Variants in SAMD8 observed in about 807,000 individuals in gnomAD.
SAMD8 encodes sterile alpha motif domain containing 8.
Under a neutral mutation model 42.0 loss-of-function variants are expected in SAMD8, and 20 were observed. The observed-to-expected ratio is 0.48, with a 90% CI of 0.34 to 0.69. The LOEUF (loss-of-function observed/expected upper bound fraction) is 0.69. Ranked by LOEUF, SAMD8 falls within the 30% of genes least tolerant of loss-of-function variation. The pLI, the probability that SAMD8 is intolerant of heterozygous loss-of-function variation, is 0.01. For synonymous variants in SAMD8, 162 were observed against 173.0 expected (o/e 0.94, Z 0.50); for missense variants, 328 against 511.6 (o/e 0.64, Z 3.46).
chr10:75,112,145 G>A (rs1848785002), intron 1 of SAMD8, among the ~76,000 whole-genome samples: 1 of 152,178 alleles, frequency 6.6e-6, no homozygotes, highest in Admixed American at 6.5e-5. Flanking sequence ...CCCAGGGCGA[G>A]GGAGGGCGAT....
At chr10:75,152,499 G>A (rs1840312983) in intron 2 of SAMD8, among the ~76,000 whole-genome samples, 1 of 145,056 alleles carries the variant, frequency 6.9e-6, no homozygotes, top group Non-Finnish European at 1.5e-5. Context: ...TCCAGCCTAG[G>A]CGACAGAGCG....
intron 4 of SAMD8, among the ~76,000 whole-genome samples, chr10:75,170,158 A>G (rs138210836): frequency 6.6e-6 from 1 of 152,344 alleles, no homozygotes; most frequent in African/African-American, 2.4e-5. Flanking sequence ...TAAAATCTGT[A>G]TACAAATTTG....
At chr10:75,104,212 T>C in intron 1 of SAMD8, 1 of 644,420 alleles carries the variant, frequency 1.6e-6, no homozygotes, top group South Asian at 1.7e-5. Context: ...CCTTGAGCCC[T>C]GTGCATAAGG....
intron 1 of SAMD8, among the ~76,000 whole-genome samples, chr10:75,126,569 A>G (rs1407382929): frequency 1.4e-5 from 2 of 145,934 alleles, no homozygotes; most frequent in Non-Finnish European, 3.0e-5. Context: ...TGGCATGATC[A>G]TAGCTCACTG....
Position 75,176,733 on chromosome 10 carries a change from G to C in SAMD8, c.*41G>C, listed in dbSNP as rs1288318279. 7.1e-7 allele frequency: 1 copy of C among 1,410,116 alleles called. No individual in the cohort carries two copies. Among genetic ancestry groups the C allele is most frequent in the Admixed American group, 2.7e-5 (1 of 37,454 alleles). The allele number at this position is 1,410,116 out of a possible 1,614,324, so 87.4% of individuals were successfully genotyped here. On this transcript the variant is annotated 3_prime_UTR_variant, in exon 6 of 6. Transcript: ENST00000542569. The surrounding 1 kb of genome is among the most constrained non-coding windows in gnomAD (Gnocchi z 4.3). ...TGAATTTGTGATTAAATATATAATA[G>C]TTGTTGAAAATGAGTAACTTTGCGT...
rs750715757 is a variant in SAMD8 at position 75,151,059 on chromosome 10, G to A, written c.531G>A (p.Val177=). Residue 177 remains valine, a synonymous_variant, in exon 2 of 6, where the codon GTG becomes GTA. Transcript: ENST00000542569. ...TTATGGTTATAGTCCATGAGCGAGTGCCTGACATGCAGACCTATCCACCAC... is the reference window on the plus strand; with the variant it reads ...TTATGGTTATAGTCCATGAGCGAGTACCTGACATGCAGACCTATCCACCAC... ...SFIMVIVHER[V]PDMQTYPPLP... 1 of 1,566,608 alleles carries A rather than the reference G, an allele frequency of 6.4e-7. No homozygotes were observed. Among genetic ancestry groups the A allele is most frequent in the Non-Finnish European group, 8.7e-7 (1 of 1,155,672 alleles).
chr10:75,135,400 C>T (rs2134452139), intron 1 of SAMD8, among the ~76,000 whole-genome samples: 1 of 149,596 alleles, frequency 6.7e-6, no homozygotes, highest in Admixed American at 6.7e-5. Flanking sequence ...TTGCGGTGAG[C>T]TGAGATCGTG....
intron 2 of SAMD8, among the ~76,000 whole-genome samples, chr10:75,156,352 G>A (rs1323559249): frequency 6.6e-6 from 1 of 152,112 alleles, no homozygotes; most frequent in Non-Finnish European, 1.5e-5. Flanking sequence ...AATAAATGTG[G>A]GCAGCATGAT....
In SAMD8 at chr10:75,111,850, G is replaced by A. The variant is rs549732593; in HGVS notation, c.-16+128G>A. Reference sequence around the variant, plus strand: ...GACCTGGAGGGGCCCCGGGGAGACGGTTGAGGGAACCGGGATAGTCAGCTC... The same window carrying A: ...GACCTGGAGGGGCCCCGGGGAGACGATTGAGGGAACCGGGATAGTCAGCTC... On this transcript the variant is annotated intron_variant, in intron 1 of 5. Transcript: ENST00000542569. 67 of 1,122,446 alleles carry A rather than the reference G, an allele frequency of 6.0e-5. No homozygotes were observed. The African/African-American group carries it at 1.0e-3, about 17-fold the overall frequency. 69.5% of individuals were successfully genotyped at this position (1,122,446 alleles called of 1,614,324 possible). A position where few individuals can be genotyped will look rare whatever the true frequency, so the allele number is the denominator to read the frequency against.
At chr10:75,101,794 T>G in intron 1 of SAMD8, 4 of 896,668 alleles carry the variant, frequency 4.5e-6, no homozygotes, top group Admixed American at 4.1e-5. Context: ...CAGGCACAAG[T>G]GTCCTGGCCC....
intron 1 of SAMD8, among the ~76,000 whole-genome samples, chr10:75,103,346 C>T (rs563881449): frequency 6.6e-6 from 1 of 152,348 alleles, no homozygotes; most frequent in South Asian, 2.1e-4. Flanking sequence ...CAGGCCCACA[C>T]ACAGACACAG....
At chr10:75,159,509 T>C (rs1251127607) in intron 2 of SAMD8, among the ~76,000 whole-genome samples, 2 of 152,180 alleles carry the variant, frequency 1.3e-5, no homozygotes, top group South Asian at 4.1e-4. Flanking sequence ...GTGTTCCTTC[T>C]ATATCCCCTC....
chr10:75,111,266 G>GC (rs1848760644), upstream of SAMD8, among the ~76,000 whole-genome samples: 1 of 152,190 alleles, frequency 6.6e-6, no homozygotes, highest in Non-Finnish European at 1.5e-5. Context: ...CTCCTTCTAG[G>GC]CCCTAACCCC....
At chr10:75,128,298 C>T (rs1331226632) in intron 1 of SAMD8, among the ~76,000 whole-genome samples, 4 of 152,036 alleles carry the variant, frequency 2.6e-5, no homozygotes, top group Non-Finnish European at 2.9e-5. Context: ...GTCTGGAACT[C>T]CTGACCTCAA....
At chr10:75,157,050 G>A (rs890175643) in intron 2 of SAMD8, among the ~76,000 whole-genome samples, 3 of 152,038 alleles carry the variant, frequency 2.0e-5, no homozygotes, top group East Asian at 1.9e-4. Context: ...TCACCTCCCC[G>A]AAAAGAGTAT....
intron 1 of SAMD8, among the ~76,000 whole-genome samples, chr10:75,106,096 CTTTTCTT>C (rs1240901936): frequency 9.2e-6 from 1 of 109,026 alleles, no homozygotes; most frequent in Non-Finnish European, 1.8e-5. Context: ...TCTTTTCTTT[CTTTTCTT>C]TTTTTTTTTT....
In SAMD8 at chr10:75,155,964, A is replaced by G. The variant is rs1000650364; in HGVS notation, c.578+4858A>G. On this transcript the variant is annotated intron_variant, in intron 2 of 5. Transcript: ENST00000542569. ...GGTGGCTGACTCCTGTAATCCCAGC[A>G]TTTTGGGAGACCCAGGCGGGAGGAT... 3.9e-5 allele frequency among the ~76,000 whole-genome samples: 6 copies of G among 152,302 alleles called. 2 individuals carry two copies. Among genetic ancestry groups the G allele is most frequent in the Admixed American group, 3.9e-4 (6 of 15,306 alleles).
At chr10:75,144,938 C>T (rs1840099604) in intron 1 of SAMD8, among the ~76,000 whole-genome samples, 1 of 152,230 alleles carries the variant, frequency 6.6e-6, no homozygotes, top group Non-Finnish European at 1.5e-5. Flanking sequence ...GGATTGCAAC[C>T]AGCGCCCTTG....
chr10:75,107,194 G>T (rs753863271), upstream of SAMD8, among the ~76,000 whole-genome samples: 2 of 152,070 alleles, frequency 1.3e-5, no homozygotes, highest in Non-Finnish European at 2.9e-5. Flanking sequence ...AATTAGCCGG[G>T]TATGGTGGCG....
Sources: allele counts gnomAD v4.1 joint callset (sites outside exome capture counted in the v4.1 genomes callset), GRCh38; gene constraint gnomAD v4.1.1; non-coding constraint Gnocchi (gnomAD v3.1); transcripts MANE v1.5; gene names NCBI Gene and HGNC (gene_info 2026-07-23, HGNC 2026-07-21).